The following AFAP1L2 variants were observed in gnomAD, a reference collection of about 807,000 sequenced individuals.
AFAP1L2 encodes the protein actin filament-associated protein 1-like 2.
In AFAP1L2, 46 loss-of-function variants were observed where a neutral mutation model predicts 99.3. The observed-to-expected ratio is 0.46, with a 90% CI of 0.37 to 0.59. The LOEUF (loss-of-function observed/expected upper bound fraction) is 0.59. Among genes scored for constraint, AFAP1L2 ranks in the 20% least tolerant of loss-of-function variants. The pLI, the probability that AFAP1L2 is intolerant of heterozygous loss-of-function variation, is 0.00. For missense variants in AFAP1L2, 959 were observed against 1,034.9 expected (o/e 0.93, Z 1.01); for synonymous variants, 397 against 419.1 (o/e 0.95, Z 0.64).
At chr10:114,393,825 C>T (rs150882020) in intron 1 of AFAP1L2, among the ~76,000 whole-genome samples, 65 of 152,352 alleles carry the variant, frequency 4.3e-4, no homozygotes, top group African/African-American at 1.5e-3. Flanking sequence ...GGGAGATGGG[C>T]GCTTGCCCGC....
chr10:114,333,880 A>T (rs1203259232), intron 2 of AFAP1L2, among the ~76,000 whole-genome samples: 1 of 152,196 alleles, frequency 6.6e-6, no homozygotes, highest in Non-Finnish European at 1.5e-5. Flanking sequence ...CCAAGTAGAG[A>T]TGTCTCTGGG....
the AFAP1L2 span, chr10:114,289,313 C>T: frequency 6.2e-7 from 1 of 1,614,184 alleles, no homozygotes; most frequent in South Asian, 1.1e-5. Flanking sequence ...GAGGATGCAG[C>T]CGTTCCTGCC....
At chr10:114,362,786 C>G (rs370179704) in intron 1 of AFAP1L2, among the ~76,000 whole-genome samples, 1 of 152,218 alleles carries the variant, frequency 6.6e-6, no homozygotes, top group Admixed American at 6.5e-5. Context: ...AACAGACTTA[C>G]AAAAGATTAA....
chr10:114,363,685 C>T (rs1030496769), intron 1 of AFAP1L2, among the ~76,000 whole-genome samples: 3 of 152,154 alleles, frequency 2.0e-5, no homozygotes, highest in Non-Finnish European at 4.4e-5. Flanking sequence ...ATTCACTGCT[C>T]ACCCACCACC....
At chr10:114,315,987 A>G (rs1564843754) in intron 5 of AFAP1L2, among the ~76,000 whole-genome samples, 1 of 152,196 alleles carries the variant, frequency 6.6e-6, no homozygotes, top group Admixed American at 6.5e-5. Flanking sequence ...TGTGGCCACA[A>G]AACACAAATA....
chr10:114,365,711 T>TTC (rs201680088), intron 1 of AFAP1L2, among the ~76,000 whole-genome samples: 3,074 of 138,854 alleles, frequency 0.022, 102 homozygotes, highest in African/African-American at 0.07. Context: ...TCTTTTTTCT[T>TTC]TCTCTCTCTC....
At chr10:114,392,353 A>C (rs668488) in intron 1 of AFAP1L2, among the ~76,000 whole-genome samples, 87,051 of 152,068 alleles carry the variant, frequency 0.57, 24,972 homozygotes, top group East Asian at 0.62. Flanking sequence ...AGTGCCACTG[A>C]ACTCCAGCCT....
chr10:114,378,959 C>T (rs1469479794), intron 1 of AFAP1L2, among the ~76,000 whole-genome samples: 3 of 152,124 alleles, frequency 2.0e-5, no homozygotes, highest in Non-Finnish European at 2.9e-5. Context: ...TGCCTGTAAT[C>T]CCAGTACTCT....
chr10:114,372,149 C>G (rs1018832811), intron 1 of AFAP1L2, among the ~76,000 whole-genome samples: 15 of 152,180 alleles, frequency 9.9e-5, no homozygotes, highest in Admixed American at 5.9e-4. Context: ...GGGATTGATG[C>G]TCTAAATCGT....
At chr10:114,340,897 G>T in intron 1 of AFAP1L2, 166 bp from the exon 2 acceptor site, 1 of 904,234 alleles carries the variant, frequency 1.1e-6, no homozygotes, top group Non-Finnish European at 1.7e-6. Flanking sequence ...CAGAAGATGG[G>T]ATTCTCAGCT....
chr10:114,308,643 C>G lies in AFAP1L2; in HGVS notation c.883-126G>C, dbSNP rs1029396442. On this transcript the variant is annotated intron_variant, in intron 8 of 18. Transcript: ENST00000304129. ...CAGAGGTCAGCTGAGCAAATCCCTG[C>G]CGGCCACCTAAACGGCAGAATCCAG... is the stretch of plus-strand genomic sequence containing the variant. The G allele has an allele frequency of 5.1e-6, 4 of 787,242 alleles. No homozygotes were observed. The Admixed American group carries it at 1.1e-4, about 22-fold the overall frequency. 48.8% of individuals were successfully genotyped at this position (787,242 alleles called of 1,614,324 possible). A position where few individuals can be genotyped will look rare whatever the true frequency, so the allele number is the denominator to read the frequency against.
intron 5 of AFAP1L2, chr10:114,319,461 C>G (rs1285878805): frequency 4.8e-5 from 43 of 891,490 alleles, no homozygotes; most frequent in Non-Finnish European, 6.5e-5. Context: ...TGCACGAGGA[C>G]AGGAAGAAGA....
chr10:114,371,029 T>C (rs1031576967), intron 1 of AFAP1L2, among the ~76,000 whole-genome samples: 2 of 152,170 alleles, frequency 1.3e-5, no homozygotes, highest in Non-Finnish European at 2.9e-5. Flanking sequence ...TGACATCTAC[T>C]TGGGGACTGC....
chr10:114,289,222 G>A, the AFAP1L2 span: 1 of 1,613,886 alleles, frequency 6.2e-7, no homozygotes, highest in Non-Finnish European at 8.5e-7. Flanking sequence ...GCACATCTAT[G>A]ACAAAGTGAT....
intron 1 of AFAP1L2, among the ~76,000 whole-genome samples, chr10:114,398,275 A>G (rs2057916150): frequency 6.6e-6 from 1 of 152,270 alleles, no homozygotes; most frequent in Non-Finnish European, 1.5e-5. Context: ...CAGGGCTAGG[A>G]TGTAGCTCTA....
the AFAP1L2 span, among the ~76,000 whole-genome samples, chr10:114,287,540 C>T: frequency 6.6e-6 from 1 of 152,118 alleles, no homozygotes; most frequent in African/African-American, 2.4e-5. Flanking sequence ...AGATGTGATT[C>T]TGCTTCTCAG....
At chr10:114,340,817 C>A (rs1377722340) in intron 1 of AFAP1L2, 86 bp from the exon 2 acceptor site, 10 of 1,573,364 alleles carry the variant, frequency 6.4e-6, no homozygotes, top group Non-Finnish European at 8.7e-6. Flanking sequence ...CTGCAGCCTC[C>A]CACCTCGAAC....
At chr10:114,305,303 G>A in intron 10 of AFAP1L2, among the ~76,000 whole-genome samples, 1 of 147,472 alleles carries the variant, frequency 6.8e-6, no homozygotes, top group African/African-American at 2.5e-5. Context: ...GCGGACGCAG[G>A]AGGGGACGGA....
At chr10:114,366,481 C>G (rs573271289) in intron 1 of AFAP1L2, among the ~76,000 whole-genome samples, 1 of 152,124 alleles carries the variant, frequency 6.6e-6, no homozygotes, top group Non-Finnish European at 1.5e-5. Context: ...GACCAAAACC[C>G]GAGCCTGAAG....
Sources: gnomAD v4.1 joint callset for allele counts (sites outside exome capture counted in the v4.1 genomes callset) on GRCh38, gnomAD v4.1.1 for gene constraint, MANE v1.5 for transcripts, NCBI Gene and HGNC (gene_info 2026-07-23, HGNC 2026-07-21) for gene names.